LMNTD1: variants seen among roughly 807,000 people sequenced by gnomAD.
The protein encoded by LMNTD1 is lamin tail domain containing 1, also known as lamin tail domain-containing protein 1.
A neutral mutation model predicts 50.9 loss-of-function variants in LMNTD1; 35 were observed. That is an observed-to-expected ratio of 0.69 (90% CI 0.53 to 0.91). The LOEUF (loss-of-function observed/expected upper bound fraction) is 0.91. Ranked by LOEUF, LMNTD1 falls within the 40% of genes least tolerant of loss-of-function variation. The pLI is 0.00. For missense variants in LMNTD1, 470 were observed against 475.5 expected, an observed-to-expected ratio of 0.99 and a Z score of 0.11; for synonymous variants, 153 against 161.9, an observed-to-expected ratio of 0.94 and a Z score of 0.42.
At chr12:25,625,112 C>T (rs1479021017) in intron 1 of LMNTD1, among the ~76,000 whole-genome samples, 1 of 152,284 alleles carries the variant, frequency 6.6e-6, no homozygotes, top group Non-Finnish European at 1.5e-5. Flanking sequence ...AGCTCTGGAG[C>T]GAGGTCCTTT....
chr12:25,487,661 A>T (rs1195300482), intron 9 of LMNTD1, among the ~76,000 whole-genome samples: 1 of 126,418 alleles, frequency 7.9e-6, no homozygotes, highest in Admixed American at 8.8e-5. Flanking sequence ...TTATGTGTGA[A>T]TTTGATCCTG....
intron 8 of LMNTD1, among the ~76,000 whole-genome samples, chr12:25,512,945 T>C (rs1377408368): frequency 6.6e-6 from 1 of 152,164 alleles, no homozygotes; most frequent in Non-Finnish European, 1.5e-5. Flanking sequence ...GTTTCTGGCA[T>C]TTTAGTTTGT....
intron 9 of LMNTD1, among the ~76,000 whole-genome samples, chr12:25,486,231 A>G (rs1938633870): frequency 7.5e-6 from 1 of 132,566 alleles, no homozygotes; most frequent in Admixed American, 7.9e-5. Context: ...CATCCCTTGT[A>G]AGTTGGATTC....
At chr12:25,624,613 G>C (rs562408431) in intron 1 of LMNTD1, among the ~76,000 whole-genome samples, 5 of 152,308 alleles carry the variant, frequency 3.3e-5, no homozygotes, top group Admixed American at 2.0e-4. Context: ...CATTTGAGTA[G>C]GTAGAGTCAC....
chr12:25,625,497 T>A (rs1946569744), intron 1 of LMNTD1, among the ~76,000 whole-genome samples: 1 of 152,026 alleles, frequency 6.6e-6, no homozygotes, highest in African/African-American at 2.4e-5. Flanking sequence ...GATGTCAGGG[T>A]GGTCACTGAA....
upstream of LMNTD1, among the ~76,000 whole-genome samples, chr12:25,555,065 TAA>T (rs766278656): frequency 6.2e-4 from 82 of 133,120 alleles, no homozygotes; most frequent in Admixed American, 6.1e-4. Flanking sequence ...TCTCCGTCAT[TAA>T]AAAAAAAAAA....
intron 1 of LMNTD1, among the ~76,000 whole-genome samples, chr12:25,622,714 T>C (rs1226174156): frequency 6.6e-6 from 1 of 152,040 alleles, no homozygotes; most frequent in Non-Finnish European, 1.5e-5. Flanking sequence ...ACATTTAAGA[T>C]TACACTCTGA....
chr12:25,487,618 A>C (rs1170915403), intron 9 of LMNTD1, among the ~76,000 whole-genome samples: 33 of 127,448 alleles, frequency 2.6e-4, no homozygotes, highest in African/African-American at 6.9e-4. Flanking sequence ...TTAATTGGAG[A>C]ATTTAGTCCA....
intron 1 of LMNTD1, among the ~76,000 whole-genome samples, chr12:25,612,326 A>G (rs11048127): frequency 0.01 from 1,098 of 104,656 alleles, 14 homozygotes; most frequent in Middle Eastern, 0.048. Flanking sequence ...ACACACACAC[A>G]CACGCGCTCC....
chr12:25,598,541 A>G (rs1465827907), intron 1 of LMNTD1, among the ~76,000 whole-genome samples: 2 of 152,038 alleles, frequency 1.3e-5, no homozygotes, highest in Non-Finnish European at 2.9e-5. Flanking sequence ...AATGAAAACA[A>G]TACAGAAGAT....
chr12:25,601,837 C>A (rs902452203), intron 1 of LMNTD1, among the ~76,000 whole-genome samples: 23 of 151,674 alleles, frequency 1.5e-4, no homozygotes, highest in Non-Finnish European at 2.9e-4. Flanking sequence ...TTTGGGGGTA[C>A]ATTTGGTATT....
chr12:25,618,547 G>T (rs1946395976), intron 1 of LMNTD1, among the ~76,000 whole-genome samples: 1 of 152,176 alleles, frequency 6.6e-6, no homozygotes, highest in African/African-American at 2.4e-5. Context: ...AAAGACCTTA[G>T]TGGGAGTGAT....
intron 1 of LMNTD1, among the ~76,000 whole-genome samples, chr12:25,605,848 T>G (rs1216787125): frequency 6.6e-6 from 1 of 152,216 alleles, no homozygotes; most frequent in Non-Finnish European, 1.5e-5. Context: ...AACTTTAAAG[T>G]AGTTTTTTCC....
intron 8 of LMNTD1, among the ~76,000 whole-genome samples, chr12:25,517,920 T>G (rs1429123259): frequency 6.6e-6 from 1 of 152,108 alleles, no homozygotes; most frequent in Non-Finnish European, 1.5e-5. Flanking sequence ...GATTTCGTGG[T>G]GTCTTAAAGA....
chr12:25,583,135 C>A (rs954178827), intron 1 of LMNTD1, among the ~76,000 whole-genome samples: 2 of 151,826 alleles, frequency 1.3e-5, no homozygotes, highest in African/African-American at 4.8e-5. Flanking sequence ...CATTCTCCTA[C>A]CTCAGCCTCC....
intron 1 of LMNTD1, among the ~76,000 whole-genome samples, chr12:25,641,940 T>C (rs1946965989): frequency 6.6e-6 from 1 of 152,164 alleles, no homozygotes; most frequent in African/African-American, 2.4e-5. Context: ...AAAAGTAGCT[T>C]GAAATTATTT....
At chr12:25,537,485 T>C (rs1403098760) in intron 4 of LMNTD1, among the ~76,000 whole-genome samples, 1 of 151,972 alleles carries the variant, frequency 6.6e-6, no homozygotes, top group Non-Finnish European at 1.5e-5. Flanking sequence ...CACTGCAGGG[T>C]ACTCCAACAG....
chr12:25,567,092 G>A (rs1206812455), intron 1 of LMNTD1, among the ~76,000 whole-genome samples: 1 of 152,124 alleles, frequency 6.6e-6, no homozygotes, highest in African/African-American at 2.4e-5. Flanking sequence ...AAGTGACGCT[G>A]GGTTGTTTGT....
chr12:25,584,551 C>T (rs1054911004), intron 1 of LMNTD1, among the ~76,000 whole-genome samples: 2 of 152,180 alleles, frequency 1.3e-5, no homozygotes, highest in Non-Finnish European at 2.9e-5. Flanking sequence ...AGGTTGCCAG[C>T]TCTAGTCCAG....
Sources: allele counts gnomAD v4.1 joint callset (sites outside exome capture counted in the v4.1 genomes callset), GRCh38; gene constraint gnomAD v4.1.1; transcripts MANE v1.5; gene names NCBI Gene and HGNC (gene_info 2026-07-23, HGNC 2026-07-21).